Variants in PLA2R1 observed in about 807,000 individuals in gnomAD.
PLA2R1 encodes the protein phospholipase A2 receptor 1, also known as secretory phospholipase A2 receptor.
Under a neutral mutation model 195.9 loss-of-function variants are expected in PLA2R1, and 158 were observed. The observed-to-expected ratio is 0.81, with a 90% confidence interval of 0.71 to 0.92. PLA2R1 has a LOEUF of 0.92. PLA2R1 is among the 40% of genes least tolerant of loss of function. The pLI is 0.00. For synonymous variants in PLA2R1, 586 were observed against 598.2 expected (o/e 0.98, Z 0.30); for missense variants, 1,626 against 1,764.6 (o/e 0.92, Z 1.41).
rs927598930 is a variant in PLA2R1, at chr2:160,062,474, C to A, written c.-71G>T. 3.4e-5 allele frequency: 49 copies of A among 1,452,088 alleles called. No individual in the cohort carries two copies. The Admixed American group carries it at 1.3e-3, about 38-fold the overall frequency. 90.0% of individuals were successfully genotyped at this position (1,452,088 alleles called of 1,614,324 possible). On this transcript the variant is annotated 5_prime_UTR_variant, in exon 1 of 30. Transcript: ENST00000283243. ...TTATCCCGGGAGCCCAGAGCCGCGT[C>A]CCAAGCACCCGGCCCCGCCGCGCGG...
At chr2:159,975,085 T>C (rs1258401876) in intron 17 of PLA2R1, among the ~76,000 whole-genome samples, 1 of 152,180 alleles carries the variant, frequency 6.6e-6, no homozygotes. Context: ...GGAGTGAGGA[T>C]TTCCCGCCTT....
At chr2:160,005,039 G>A (rs1691879446) in intron 11 of PLA2R1, among the ~76,000 whole-genome samples, 3 of 152,182 alleles carry the variant, frequency 2.0e-5, no homozygotes, top group Admixed American at 2.0e-4. Flanking sequence ...GGGGGGTGCA[G>A]GTGGGGAGAA....
intron 23 of PLA2R1, among the ~76,000 whole-genome samples, chr2:159,953,886 T>A (rs1303062869): frequency 6.6e-6 from 1 of 152,240 alleles, no homozygotes; most frequent in Non-Finnish European, 1.5e-5. Flanking sequence ...CAGGCTGGAA[T>A]GCAGTGGTGC....
intron 11 of PLA2R1, among the ~76,000 whole-genome samples, chr2:160,001,289 TA>T (rs939186104): frequency 4.6e-4 from 69 of 151,498 alleles, no homozygotes; most frequent in Non-Finnish European, 8.9e-4. Context: ...GTGTAACAAA[TA>T]AAAAAATAGA....
At chr2:159,985,868 G>A in intron 12 of PLA2R1, among the ~76,000 whole-genome samples, 1 of 152,056 alleles carries the variant, frequency 6.6e-6, no homozygotes, top group Non-Finnish European at 1.5e-5. Context: ...CAATTCTCAG[G>A]CAGAGTGTAC....
chr2:159,951,241 G>A, intron 24 of PLA2R1, 99 bp downstream of exon 24: 1 of 715,060 alleles, frequency 1.4e-6, no homozygotes. Flanking sequence ...ATATTTTTGG[G>A]ATCTTTTTTT....
intron 1 of PLA2R1, among the ~76,000 whole-genome samples, chr2:160,054,624 T>C (rs1695419866): frequency 1.3e-5 from 2 of 152,244 alleles, no homozygotes; most frequent in Non-Finnish European, 2.9e-5. Flanking sequence ...TTTTCTGTCT[T>C]GTTTAGCTCT....
intron 4 of PLA2R1, among the ~76,000 whole-genome samples, 178 bp from the exon 5 acceptor site, chr2:160,029,141 G>A (rs994372759): frequency 3.3e-5 from 5 of 152,324 alleles, no homozygotes; most frequent in African/African-American, 1.2e-4. Context: ...GAGAAACAGA[G>A]CAGGCTCACT....
intron 8 of PLA2R1, among the ~76,000 whole-genome samples, chr2:160,019,572 A>T (rs1047801155): frequency 2.0e-5 from 3 of 152,220 alleles, no homozygotes; most frequent in African/African-American, 7.2e-5. Flanking sequence ...AGCCACAGTT[A>T]ATTGTAAAAT....
intron 10 of PLA2R1, among the ~76,000 whole-genome samples, chr2:160,011,986 G>A (rs890664332): frequency 2.0e-5 from 3 of 151,984 alleles, no homozygotes; most frequent in Non-Finnish European, 4.4e-5. Flanking sequence ...GTGTGTGTAT[G>A]CATTCCTGTG....
At chr2:160,018,184 A>G (rs1216339886) in intron 8 of PLA2R1, among the ~76,000 whole-genome samples, 4 of 152,164 alleles carry the variant, frequency 2.6e-5, no homozygotes, top group African/African-American at 4.8e-5. Context: ...GACATATCCA[A>G]TACTATTAAT....
intron 9 of PLA2R1, among the ~76,000 whole-genome samples, chr2:160,016,157 G>A (rs189556214): frequency 6.6e-6 from 1 of 151,900 alleles, no homozygotes; most frequent in Non-Finnish European, 1.5e-5. Flanking sequence ...CCAGCTACTC[G>A]GGAGGCTGAG....
chr2:160,034,073 T>C (rs1416221502), intron 3 of PLA2R1, among the ~76,000 whole-genome samples: 1 of 152,222 alleles, frequency 6.6e-6, no homozygotes, highest in Non-Finnish European at 1.5e-5. Flanking sequence ...AAATTCACAA[T>C]GAACATTAGC....
intron 11 of PLA2R1, among the ~76,000 whole-genome samples, chr2:159,994,378 A>ATTTGTTAAT: frequency 6.6e-6 from 1 of 152,100 alleles, no homozygotes. Context: ...AACAGACTTT[A>ATTTGTTAAT]GGAGATCTAT....
chr2:160,028,308 T>A lies in PLA2R1; in HGVS notation c.1009A>T (p.Met337Leu). ...EDHCGTFSSF[M>L]PSAWRSRDCE... ...TCCCGACTCCTCCAGGCACTTGGCA[T>A]AAATGAACTAAATGTTCCACAGTGA... Residue 337 changes from methionine to leucine, a missense_variant, in exon 6 of 30, where the codon ATG (methionine) becomes TTG (leucine). Transcript: ENST00000283243. The A allele has an allele frequency of 6.2e-7, 1 of 1,607,272 alleles. No individual in the cohort carries two copies. Among genetic ancestry groups the A allele is most frequent in the East Asian group, 2.2e-5 (1 of 44,794 alleles).
intron 14 of PLA2R1, 117 bp downstream of exon 14, chr2:159,979,713 C>A: frequency 1.7e-6 from 1 of 595,422 alleles, no homozygotes; most frequent in Admixed American, 3.2e-5. Context: ...AGGTCTGGTG[C>A]AGTTTTGTCA....
chr2:160,044,838 C>A lies in PLA2R1; in HGVS notation c.429G>T (p.Lys143Asn). 1 of 1,613,918 alleles carries A rather than the reference C, an allele frequency of 6.2e-7. No individual in the cohort carries two copies. The highest frequency in any genetic ancestry group is 8.5e-7 in the Non-Finnish European group (1 of 1,179,794). The change falls in exon 2 of 30, where the codon AAG (lysine) becomes AAT (asparagine). Residue 143 changes from lysine to asparagine, a missense_variant. Physicochemically the swap from Lys to Asn is moderately conservative, Grantham distance 94 (BLOSUM62 0). Transcript: ENST00000283243. Reference protein sequence around the residue: ...AHDNTVVASRKYIHKWISYGS... With the variant: ...AHDNTVVASRNYIHKWISYGS... ...CATAAGAAATCCACTTATGAATATA[C>A]TTCCGTGAGGCCACCACTGTGTTGT...
intron 11 of PLA2R1, among the ~76,000 whole-genome samples, chr2:159,988,750 T>C (rs931172137): frequency 1.3e-5 from 2 of 152,056 alleles, no homozygotes; most frequent in Admixed American, 6.5e-5. Context: ...GCTTCAATTT[T>C]TTCAGATACT....
At chr2:160,020,408 T>C (rs953644586) in intron 7 of PLA2R1, 145 bp from the exon 8 acceptor site, 2 of 622,160 alleles carry the variant, frequency 3.2e-6, no homozygotes, top group Admixed American at 3.1e-5. Flanking sequence ...AGTCTTGGTA[T>C]AAAATGTCTG....
Sources: gnomAD v4.1 joint callset for allele counts (sites outside exome capture counted in the v4.1 genomes callset) on GRCh38, gnomAD v4.1.1 for gene constraint, MANE v1.5 for transcripts, NCBI Gene and HGNC (gene_info 2026-07-23, HGNC 2026-07-21) for gene names.